Variants in CLEC16A observed in about 807,000 individuals in gnomAD.
CLEC16A encodes protein CLEC16A.
Under a neutral mutation model 109.5 loss-of-function variants are expected in CLEC16A, and 51 were observed. The observed-to-expected ratio is 0.47, with a 90% CI of 0.37 to 0.59. CLEC16A has a LOEUF of 0.59. Among genes scored for constraint, CLEC16A ranks in the 20% least tolerant of loss-of-function variants. CLEC16A has a pLI of 0.00. For synonymous variants in CLEC16A, 673 were observed against 564.2 expected, an observed-to-expected ratio of 1.19 and a Z score of -2.73; for missense variants, 1,339 against 1,394.0, an observed-to-expected ratio of 0.96 and a Z score of 0.63.
At chr16:11,060,311 C>A (rs1045906861) in intron 18 of CLEC16A, among the ~76,000 whole-genome samples, 8 of 149,396 alleles carry the variant, frequency 5.4e-5, no homozygotes, top group Non-Finnish European at 3.0e-5. Flanking sequence ...ACCAAGGGAG[C>A]GGGAGTTGAA....
At chr16:11,136,776 A>G (rs554462434) in intron 22 of CLEC16A, among the ~76,000 whole-genome samples, 14 of 152,308 alleles carry the variant, frequency 9.2e-5, no homozygotes, top group East Asian at 7.7e-4. Flanking sequence ...GAAGAGCACA[A>G]ATTGGGCCTC....
At chr16:11,083,726 C>T (rs1056906918) in intron 19 of CLEC16A, among the ~76,000 whole-genome samples, 1 of 152,238 alleles carries the variant, frequency 6.6e-6, no homozygotes, top group Non-Finnish European at 1.5e-5. Context: ...TGGCCCTAAG[C>T]CCCAGTCCTC....
At chr16:11,167,299 C>T (rs1478377068) in intron 23 of CLEC16A, among the ~76,000 whole-genome samples, 1 of 152,178 alleles carries the variant, frequency 6.6e-6, no homozygotes, top group East Asian at 1.9e-4. Flanking sequence ...TGTGCCCCAG[C>T]AGCATCCCCC....
chr16:11,026,783 C>T (rs374964235), intron 13 of CLEC16A, among the ~76,000 whole-genome samples: 68 of 151,804 alleles, frequency 4.5e-4, no homozygotes, highest in African/African-American at 1.5e-3. Flanking sequence ...GAAACTGTAA[C>T]TTACAAGAAA....
rs2068266661 is a variant in CLEC16A at position 11,166,457 on chromosome 16, C to CCAGCGGGAGCCCCAGCGG, written c.2722_2739dup (p.Pro908_Ser913dup). The CCAGCGGGAGCCCCAGCGG allele has an allele frequency of 1.2e-6, 2 of 1,607,972 alleles. No homozygotes were observed. Among genetic ancestry groups the CCAGCGGGAGCCCCAGCGG allele is most frequent in the Non-Finnish European group, 8.5e-7 (1 of 1,179,792 alleles). ...CTGTCCTCACAGTCGCCACCCTCCG[C>CCAGCGGGAGCCCCAGCGG]CAGCGGGAGCCCCAGCGGCAGCGGG... On this transcript the variant is annotated inframe_insertion, in exon 23 of 24. Transcript: ENST00000409790.
Position 11,178,890 on chromosome 16 carries a change from C to T in CLEC16A, c.*200C>T, listed in dbSNP as rs1284213922. Reference sequence around the variant, plus strand: ...TCCTTTTTCACTTTGCATCTCTTCACGTGCAGGCTGGGACCAGCGGAGACA... The same window carrying T: ...TCCTTTTTCACTTTGCATCTCTTCATGTGCAGGCTGGGACCAGCGGAGACA... On this transcript the variant is annotated 3_prime_UTR_variant, in exon 24 of 24. Transcript: ENST00000409790. The surrounding 1 kb of genome is among the most constrained non-coding windows in gnomAD (Gnocchi z 6.5). The T allele has an allele frequency of 1.5e-5, 8 of 535,918 alleles. No homozygotes were observed. Among genetic ancestry groups the T allele is most frequent in the East Asian group, 3.1e-5 (1 of 32,264 alleles). The allele number at this position is 535,918 out of a possible 1,614,324, so 33.2% of individuals were successfully genotyped here. A position where few individuals can be genotyped will look rare whatever the true frequency, so the allele number is the denominator to read the frequency against.
intron 5 of CLEC16A, 27 bp downstream of exon 5, chr16:10,971,257 C>A: frequency 6.6e-7 from 1 of 1,523,966 alleles, no homozygotes; most frequent in Non-Finnish European, 9.1e-7. Flanking sequence ...GCTTGTGTCT[C>A]GGCTGATTTC....
At chr16:11,163,001 C>G (rs1448533496) in intron 22 of CLEC16A, among the ~76,000 whole-genome samples, 1 of 152,206 alleles carries the variant, frequency 6.6e-6, no homozygotes, top group Non-Finnish European at 1.5e-5. Context: ...GAGAGGATCT[C>G]AGGGAGGCCG....
intron 22 of CLEC16A, among the ~76,000 whole-genome samples, chr16:11,147,268 C>T (rs544353860): frequency 7.2e-5 from 11 of 152,326 alleles, no homozygotes; most frequent in Non-Finnish European, 1.6e-4. Context: ...GACCCCAGTC[C>T]TGTATCCCAG....
chr16:11,156,466 C>G (rs1427245076), intron 22 of CLEC16A: 1 of 542,826 alleles, frequency 1.8e-6, no homozygotes, highest in African/African-American at 1.9e-5. Flanking sequence ...GTGACCCACC[C>G]TGCTCCTGGT....
Position 10,989,033 on chromosome 16 carries a change from C to G in CLEC16A, c.1071+6042C>G, listed in dbSNP as rs1596914365. Reference sequence around the variant, plus strand: ...GCCCTTCAGTGGGGTGGCTTTTGAGCAGACACCAAGGCACAGAGGGAGAAG... The same window carrying G: ...GCCCTTCAGTGGGGTGGCTTTTGAGGAGACACCAAGGCACAGAGGGAGAAG... On this transcript the variant is annotated intron_variant, in intron 10 of 23. Coordinates refer to ENST00000409790, the MANE Select transcript of CLEC16A (RefSeq NM_015226.3). Among the ~76,000 whole-genome samples, 6 of 152,102 alleles carry G rather than the reference C, an allele frequency of 3.9e-5. No homozygotes were observed. The South Asian group carries it at 1.2e-3, about 32-fold the overall frequency.
At chr16:11,101,979 T>TG (rs1407775298) in intron 19 of CLEC16A, among the ~76,000 whole-genome samples, 4 of 149,424 alleles carry the variant, frequency 2.7e-5, no homozygotes, top group Non-Finnish European at 6.0e-5. Flanking sequence ...ATTTTTGCTT[T>TG]TTTTTTTTTT....
chr16:11,054,882 G>A (rs1458207171), intron 18 of CLEC16A, among the ~76,000 whole-genome samples: 2 of 150,678 alleles, frequency 1.3e-5, no homozygotes, highest in Non-Finnish European at 3.0e-5. Context: ...TTTTTTGCTT[G>A]TATCCAAAGA....
At chr16:10,951,110 G>A (rs1262281606) in intron 1 of CLEC16A, among the ~76,000 whole-genome samples, 1 of 152,202 alleles carries the variant, frequency 6.6e-6, no homozygotes, top group Non-Finnish European at 1.5e-5. Flanking sequence ...AGGCTATTGA[G>A]GCCAGATTTG....
At chr16:11,119,667 C>T (rs894593400) in intron 19 of CLEC16A, among the ~76,000 whole-genome samples, 2 of 152,190 alleles carry the variant, frequency 1.3e-5, no homozygotes, top group African/African-American at 4.8e-5. Context: ...GCTGGAATTA[C>T]AGGTGTGAGC....
rs1471953714 is a variant in CLEC16A at position 11,180,830 on chromosome 16, A to C, written c.*2140A>C. 1.3e-5 allele frequency: 2 copies of C among 152,442 alleles called. No individual in the cohort carries two copies. Among genetic ancestry groups the C allele is most frequent in the African/African-American group, 4.8e-5 (2 of 41,466 alleles). 9.4% of individuals were successfully genotyped at this position (152,442 alleles called of 1,614,324 possible). On this transcript the variant is annotated 3_prime_UTR_variant, in exon 24 of 24. Coordinates refer to ENST00000409790, the MANE Select transcript of CLEC16A (RefSeq NM_015226.3). ...CCAACTGGTCTTGTAACCACTGAGC[A>C]CTGAAGGAGAGAGGTCTTGGTCAGG...
intron 3 of CLEC16A, among the ~76,000 whole-genome samples, chr16:10,965,256 G>C (rs550844404): frequency 7.4e-4 from 112 of 152,360 alleles, no homozygotes; most frequent in African/African-American, 2.6e-3. Context: ...AAAAAGGGTA[G>C]AAATCATTGC....
rs537504186 is a variant in CLEC16A, at chr16:11,063,205, G to T, written c.2116+2183G>T. ...AGGGCGACTTTCAGAAAATAGTAGG[G>T]ATTATGGAAGCACGTGGTACTAGGA... On this transcript the variant is annotated intron_variant, in intron 19 of 23. Transcript: ENST00000409790. Among the ~76,000 whole-genome samples the T allele has an allele frequency of 6.6e-5, 10 of 151,852 alleles. No individual in the cohort carries two copies. The South Asian group carries it at 2.1e-3, about 32-fold the overall frequency.
intron 19 of CLEC16A, among the ~76,000 whole-genome samples, chr16:11,105,745 G>C (rs2152992005): frequency 6.6e-6 from 1 of 152,350 alleles, no homozygotes. Context: ...GGCACTTTCA[G>C]TTAGTTATTG....
Sources: allele counts gnomAD v4.1 joint callset (sites outside exome capture counted in the v4.1 genomes callset), GRCh38; gene constraint gnomAD v4.1.1; non-coding constraint Gnocchi (gnomAD v3.1); transcripts MANE v1.5; gene names NCBI Gene and HGNC (gene_info 2026-07-23, HGNC 2026-07-21).